The following VPS36 variants were observed in gnomAD, a reference collection of about 807,000 sequenced individuals.
VPS36 encodes vacuolar protein sorting 36 homolog.
VPS36 carries 31 observed loss-of-function variants against 63.5 expected under a neutral mutation model. The observed-to-expected ratio is 0.49, with a 90% CI of 0.37 to 0.66. The LOEUF is 0.66. Ranked by LOEUF, VPS36 falls within the 30% of genes least tolerant of loss-of-function variation. The pLI is 0.00. For synonymous variants in VPS36, 138 were observed against 157.2 expected, an observed-to-expected ratio of 0.88 and a Z score of 0.91; for missense variants, 338 against 463.7, an observed-to-expected ratio of 0.73 and a Z score of 2.49.
chr13:52,417,402 C>T (rs1958004075), intron 11 of VPS36, among the ~76,000 whole-genome samples: 1 of 152,142 alleles, frequency 6.6e-6, no homozygotes. Flanking sequence ...TCTTGCTGCC[C>T]AGGCTGGAGT....
chr13:52,420,102 G>A (rs1410606633), intron 10 of VPS36, among the ~76,000 whole-genome samples: 4 of 151,592 alleles, frequency 2.6e-5, no homozygotes, highest in Non-Finnish European at 4.4e-5. Flanking sequence ...TTAGCCAGGC[G>A]TGGTAGCCGT....
chr13:52,419,389 G>C (rs923828925), intron 10 of VPS36, among the ~76,000 whole-genome samples: 2 of 152,210 alleles, frequency 1.3e-5, no homozygotes, highest in African/African-American at 4.8e-5. Context: ...CAGAGGAAGG[G>C]CTTCCTGAAC....
chr13:52,431,663 T>C (rs530462932), intron 6 of VPS36, among the ~76,000 whole-genome samples: 64 of 147,076 alleles, frequency 4.4e-4, no homozygotes, highest in African/African-American at 1.5e-3. Flanking sequence ...CTCGGGAGGC[T>C]AAGGCAGGAG....
chr13:52,416,159 G>C, intron 12 of VPS36, 66 bp from the exon 13 acceptor site: 1 of 1,478,814 alleles, frequency 6.8e-7, no homozygotes, highest in Non-Finnish European at 9.3e-7. Flanking sequence ...ACACACTCTG[G>C]GTTCTAATGG....
At chr13:52,417,221 C>T (rs1325624620) in intron 11 of VPS36, 80 bp from the exon 12 acceptor site, 4 of 1,220,868 alleles carry the variant, frequency 3.3e-6, no homozygotes, top group South Asian at 1.3e-5. Flanking sequence ...TCTTTTATAC[C>T]TTCTTTTATG....
At chr13:52,442,974 A>G (rs1213416935) in intron 1 of VPS36, among the ~76,000 whole-genome samples, 1 of 152,238 alleles carries the variant, frequency 6.6e-6, no homozygotes, top group African/African-American at 2.4e-5. Flanking sequence ...TTTCTTTGCA[A>G]TTGAATTCAT....
At chr13:52,422,847 GCT>G (rs1432727600) in intron 10 of VPS36, among the ~76,000 whole-genome samples, 5 of 152,144 alleles carry the variant, frequency 3.3e-5, no homozygotes, top group Admixed American at 2.6e-4. Flanking sequence ...ATATGGTTTG[GCT>G]CTGTGTCCCC....
chr13:52,433,893 C>A, intron 5 of VPS36, 145 bp from the exon 6 acceptor site: 1 of 630,122 alleles, frequency 1.6e-6, no homozygotes, highest in African/African-American at 1.8e-5. Context: ...ATTTAGCTTC[C>A]CTTCAAAACA....
intron 8 of VPS36, among the ~76,000 whole-genome samples, chr13:52,426,502 C>T (rs867524880): frequency 1.4e-4 from 21 of 152,186 alleles, no homozygotes; most frequent in African/African-American, 4.3e-4. Flanking sequence ...TTGAAATAGC[C>T]TTTAATCCTA....
intron 1 of VPS36, among the ~76,000 whole-genome samples, chr13:52,444,259 C>T: frequency 6.6e-6 from 1 of 152,112 alleles, no homozygotes; most frequent in East Asian, 1.9e-4. Flanking sequence ...AGATCGAGAC[C>T]ATCCTGGCTA....
intron 1 of VPS36, 48 bp downstream of exon 1, chr13:52,450,451 C>T: frequency 6.4e-7 from 1 of 1,553,174 alleles, no homozygotes; most frequent in Non-Finnish European, 8.7e-7. Context: ...GCGCGCCCAC[C>T]GGGGGTCCCT....
intron 8 of VPS36, 107 bp downstream of exon 8, chr13:52,426,882 T>C: frequency 1.5e-6 from 1 of 678,608 alleles, no homozygotes; most frequent in Non-Finnish European, 2.3e-6. Context: ...AAATAAAACA[T>C]AAATAATAAA....
intron 1 of VPS36, chr13:52,450,200 A>C: frequency 6.7e-6 from 7 of 1,044,200 alleles, no homozygotes; most frequent in Non-Finnish European, 6.9e-6. Flanking sequence ...CGGGCACTGC[A>C]GCTGTGCGCT....
rs770428261 is a variant in VPS36 at position 52,418,065 on chromosome 13, G to GA, written c.841-10dup. ...TCTTCTGGTGAGAGCAACTAATAGG[G>GA]AAAAAAAATCCAGTAATGCTATACA... On this transcript the variant is annotated splice_polypyrimidine_tract_variant and intron_variant, in intron 10 of 13. Transcript: ENST00000378060. 50 of 1,603,856 alleles carry GA rather than the reference G, an allele frequency of 3.1e-5. 1 individual carries two copies. The highest frequency in any genetic ancestry group is 2.9e-4 in the South Asian group (26 of 89,136).
chr13:52,418,115 G>T, intron 10 of VPS36, 59 bp from the exon 11 acceptor site: 2 of 1,404,550 alleles, frequency 1.4e-6, no homozygotes, highest in South Asian at 1.3e-5. Flanking sequence ...TAAAACAGAA[G>T]AGTATATTTT....
intron 5 of VPS36, 112 bp downstream of exon 5, chr13:52,434,681 A>T: frequency 9.9e-7 from 1 of 1,006,690 alleles, no homozygotes; most frequent in Non-Finnish European, 1.5e-6. Context: ...TTATAAGAAT[A>T]CCATTGCAGT....
chr13:52,448,418 G>C (rs1180786403), intron 1 of VPS36, among the ~76,000 whole-genome samples: 1 of 152,174 alleles, frequency 6.6e-6, no homozygotes, highest in African/African-American at 2.4e-5. Context: ...CCTAGGGACC[G>C]CATAGCTGCA....
intron 1 of VPS36, among the ~76,000 whole-genome samples, chr13:52,444,911 A>G (rs1336756281): frequency 6.6e-6 from 1 of 152,222 alleles, no homozygotes; most frequent in Admixed American, 6.5e-5. Flanking sequence ...TGTTAAATCA[A>G]GCACACATAG....
chr13:52,450,044 C>A (rs1958385298), intron 1 of VPS36: 1 of 987,586 alleles, frequency 1.0e-6, no homozygotes, highest in East Asian at 1.1e-4. Context: ...ACTGTACGGC[C>A]ACCGCGCCCT....
Sources: gnomAD v4.1 joint callset for allele counts (sites outside exome capture counted in the v4.1 genomes callset) on GRCh38, gnomAD v4.1.1 for gene constraint, MANE v1.5 for transcripts, NCBI Gene and HGNC (gene_info 2026-07-23, HGNC 2026-07-21) for gene names.